Variants in ST6GALNAC3 observed in about 807,000 individuals in gnomAD.
The protein encoded by ST6GALNAC3 is ST6 N-acetylgalactosaminide alpha-2,6-sialyltransferase 3, also known as alpha-N-acetylgalactosaminide alpha-2,6-sialyltransferase 3.
A neutral mutation model predicts 32.7 loss-of-function variants in ST6GALNAC3; 25 were observed. The observed-to-expected ratio is 0.76, with a 90% CI of 0.56 to 1.07. The LOEUF is 1.07. ST6GALNAC3 is among the 50% of genes least tolerant of loss of function. ST6GALNAC3 has a pLI of 0.00. For missense variants in ST6GALNAC3, 355 were observed against 382.4 expected, an observed-to-expected ratio of 0.93 and a Z score of 0.60; for synonymous variants, 129 against 133.1, an observed-to-expected ratio of 0.97 and a Z score of 0.21.
chr1:76,399,755 T>C (rs1209895947), intron 2 of ST6GALNAC3, among the ~76,000 whole-genome samples: 1 of 152,184 alleles, frequency 6.6e-6, no homozygotes, highest in Non-Finnish European at 1.5e-5. Context: ...TTTTAATATT[T>C]CTCAATAAAA....
At chr1:76,448,648 T>C (rs1451427223) in intron 3 of ST6GALNAC3, among the ~76,000 whole-genome samples, 3 of 152,136 alleles carry the variant, frequency 2.0e-5, no homozygotes, top group East Asian at 1.9e-4. Context: ...GTTCTGGTGA[T>C]AGTAAATAAG....
At chr1:76,347,399 C>T (rs1417575592) in intron 2 of ST6GALNAC3, among the ~76,000 whole-genome samples, 1 of 152,070 alleles carries the variant, frequency 6.6e-6, no homozygotes, top group African/African-American at 2.4e-5. Flanking sequence ...CAGTTTCTTG[C>T]ATTCTCCTTG....
intron 3 of ST6GALNAC3, among the ~76,000 whole-genome samples, chr1:76,466,219 CAGATATAAGG>C (rs1658618336): frequency 6.6e-6 from 1 of 152,044 alleles, no homozygotes; most frequent in Admixed American, 6.6e-5. Flanking sequence ...GACATAGTCT[CAGATATAAGG>C]AGATATGAAC....
At chr1:76,355,822 G>A (rs1400707233) in intron 2 of ST6GALNAC3, among the ~76,000 whole-genome samples, 1 of 152,114 alleles carries the variant, frequency 6.6e-6, no homozygotes, top group Middle Eastern at 3.2e-3. Flanking sequence ...CAAGTCAAGG[G>A]TTTAATCTAT....
chr1:76,147,460 C>A (rs1414994075), intron 1 of ST6GALNAC3, among the ~76,000 whole-genome samples: 1 of 152,174 alleles, frequency 6.6e-6, no homozygotes, highest in Non-Finnish European at 1.5e-5. Flanking sequence ...GATGCAAGAC[C>A]ATGTGTGTTC....
chr1:76,359,492 C>T (rs757614382), intron 2 of ST6GALNAC3, among the ~76,000 whole-genome samples: 6 of 152,144 alleles, frequency 3.9e-5, no homozygotes, highest in Admixed American at 1.3e-4. Context: ...CCACAGATCA[C>T]GGAACTACCA....
intron 1 of ST6GALNAC3, among the ~76,000 whole-genome samples, chr1:76,221,438 G>A (rs1655764066): frequency 6.6e-6 from 1 of 152,058 alleles, no homozygotes; most frequent in South Asian, 2.1e-4. Context: ...ATCTGGTTGT[G>A]CCAAGGTAGA....
intron 3 of ST6GALNAC3, among the ~76,000 whole-genome samples, chr1:76,533,086 G>A (rs1221514760): frequency 1.3e-5 from 2 of 152,120 alleles, no homozygotes; most frequent in Non-Finnish European, 2.9e-5. Flanking sequence ...TACCAGTGGC[G>A]AGTTCTTGTC....
intron 3 of ST6GALNAC3, among the ~76,000 whole-genome samples, chr1:76,420,593 G>C (rs1252106212): frequency 6.6e-6 from 1 of 152,014 alleles, no homozygotes; most frequent in Non-Finnish European, 1.5e-5. Flanking sequence ...TTCACTCTCT[G>C]TCTTTCAGTT....
chr1:76,398,970 G>T (rs2101199804), intron 2 of ST6GALNAC3, among the ~76,000 whole-genome samples: 1 of 152,102 alleles, frequency 6.6e-6, no homozygotes, highest in Non-Finnish European at 1.5e-5. Context: ...GCATTTTCTG[G>T]ATTATGAATG....
At chr1:76,273,361 A>G (rs7516589) in intron 1 of ST6GALNAC3, among the ~76,000 whole-genome samples, 23,117 of 152,160 alleles carry the variant, frequency 0.15, 3,216 homozygotes, top group African/African-American at 0.36. Context: ...ATTAAAACAC[A>G]AACCCAGAAA....
At chr1:76,301,655 T>C (rs776425158) in intron 1 of ST6GALNAC3, among the ~76,000 whole-genome samples, 4 of 151,924 alleles carry the variant, frequency 2.6e-5, no homozygotes, top group Non-Finnish European at 5.9e-5. Flanking sequence ...TGCTTGTGTT[T>C]CGGTGAAAGA....
intron 3 of ST6GALNAC3, among the ~76,000 whole-genome samples, chr1:76,582,469 A>G (rs918326332): frequency 6.6e-6 from 1 of 152,148 alleles, no homozygotes; most frequent in African/African-American, 2.4e-5. Context: ...AATTAAAGCA[A>G]TTACAATCCC....
At chr1:76,205,757 A>G (rs1414312582) in intron 1 of ST6GALNAC3, among the ~76,000 whole-genome samples, 1 of 152,216 alleles carries the variant, frequency 6.6e-6, no homozygotes, top group Non-Finnish European at 1.5e-5. Flanking sequence ...TGCTGATTTT[A>G]TGCTTCAAAG....
At chr1:76,216,366 A>T (rs1655463952) in intron 1 of ST6GALNAC3, among the ~76,000 whole-genome samples, 1 of 152,158 alleles carries the variant, frequency 6.6e-6, no homozygotes, top group Admixed American at 6.5e-5. Context: ...CTTTTGTCGG[A>T]TGTGTTTGCC....
At chr1:76,427,353 T>C (rs947566804) in intron 3 of ST6GALNAC3, among the ~76,000 whole-genome samples, 12 of 151,990 alleles carry the variant, frequency 7.9e-5, no homozygotes, top group Admixed American at 5.3e-4. Context: ...TTCAGAATCT[T>C]CTGGAGGGTT....
At chr1:76,619,005 A>G (rs1250222325) in intron 3 of ST6GALNAC3, among the ~76,000 whole-genome samples, 2 of 152,174 alleles carry the variant, frequency 1.3e-5, no homozygotes, top group African/African-American at 4.8e-5. Context: ...CTGAAACTAT[A>G]AACTGCATAG....
chr1:76,203,861 A>G (rs1654674878), intron 1 of ST6GALNAC3, among the ~76,000 whole-genome samples: 1 of 152,226 alleles, frequency 6.6e-6, no homozygotes, highest in South Asian at 2.1e-4. Context: ...CCTTAAATAT[A>G]TGTCTTTTCT....
intron 2 of ST6GALNAC3, among the ~76,000 whole-genome samples, chr1:76,337,208 G>A (rs1191727550): frequency 6.6e-6 from 1 of 152,174 alleles, no homozygotes; most frequent in Non-Finnish European, 1.5e-5. Context: ...TGGACAAGGG[G>A]CACATCATTC....
Sources: gnomAD v4.1 joint callset for allele counts (sites outside exome capture counted in the v4.1 genomes callset) on GRCh38, gnomAD v4.1.1 for gene constraint, MANE v1.5 for transcripts, NCBI Gene and HGNC (gene_info 2026-07-23, HGNC 2026-07-21) for gene names.